TSR1: variants seen among roughly 807,000 people sequenced by gnomAD.
The protein encoded by TSR1 is TSR1 ribosome maturation factor.
Under a neutral mutation model 90.9 loss-of-function variants are expected in TSR1, and 81 were observed. That is an observed-to-expected ratio of 0.89 (90% CI 0.74 to 1.07). The LOEUF (loss-of-function observed/expected upper bound fraction) is 1.07. Among genes scored for constraint, TSR1 ranks in the 50% least tolerant of loss-of-function variants. The probability of loss-of-function intolerance (pLI) is 0.00; values close to 1 mark genes in which losing one functional copy is unlikely to be tolerated. For missense variants in TSR1, 989 were observed against 987.3 expected (o/e 1.00, Z -0.02); for synonymous variants, 362 against 348.8 (o/e 1.04, Z -0.42).
intron 11 of TSR1, among the ~76,000 whole-genome samples, chr17:2,326,393 ACAAT>A (rs2075576248): frequency 6.6e-6 from 1 of 152,016 alleles, no homozygotes; most frequent in South Asian, 2.1e-4. Context: ...TGTGTAGGAG[ACAAT>A]CATTTCTGCT....
Position 2,336,365 on chromosome 17 carries a change from A to C in TSR1, c.63T>G (p.His21Gln). ...CCCGCTGTGCAGATCCCCGACCCCGATGCCGTCCGCCTTTATGAGCTTTAT... is the reference window on the plus strand; with the variant it reads ...CCCGCTGTGCAGATCCCCGACCCCGCTGCCGTCCGCCTTTATGAGCTTTAT... ...QQNKAHKGGR[H>Q]RGRGSAQRDG... Residue 21 changes from histidine (H) to glutamine (Q), a missense_variant, in exon 1 of 15, where the codon CAT becomes CAG. Physicochemically the swap from His to Gln is conservative, Grantham distance 24 (BLOSUM62 0). Transcript: ENST00000301364. 1.2e-6 allele frequency: 2 copies of C among 1,613,816 alleles called. No individual in the cohort carries two copies. The highest frequency in any genetic ancestry group is 1.7e-6 in the Non-Finnish European group (2 of 1,180,024).
At position 2,329,189 on chromosome 17, in the gene TSR1, A is replaced by C. The variant is rs1177171825; in HGVS notation, c.1903+154T>G. ...GCTTCAGACAGGTTCAGACATTTTG[A>C]ATAAAAACATCATTGGCTCTTAAGC... is the stretch of plus-strand genomic sequence containing the variant. On this transcript the variant is annotated intron_variant, in intron 11 of 14. Coordinates refer to ENST00000301364, the MANE Select transcript of TSR1 (RefSeq NM_018128.5). 4 of 1,208,644 alleles carry C rather than the reference A, an allele frequency of 3.3e-6. No individual in the cohort carries two copies. In the South Asian group the frequency reaches 3.6e-5, roughly 11 times the overall value. The allele number at this position is 1,208,644 out of a possible 1,614,324, so 74.9% of individuals were successfully genotyped here. A position where few individuals can be genotyped will look rare whatever the true frequency, so the allele number is the denominator to read the frequency against.
Position 2,335,584 on chromosome 17 carries a change from C to T in TSR1, c.348G>A (p.Leu116=), listed in dbSNP as rs757101012. ...GCAGCATAAAGTTCTGGGTGTTTCC[C>T]AATTCATTCAAGTGTACTGTTCCAG... ...RDTGTVHLNE[L]GNTQNFMLLC... The change falls in exon 3 of 15, where the codon TTG becomes TTA. Residue 116 remains leucine, a synonymous_variant. Transcript: ENST00000301364. 6.2e-7 allele frequency: 1 copy of T among 1,614,174 alleles called. No individual in the cohort carries two copies. The highest frequency in any genetic ancestry group is 1.7e-5 in the Admixed American group (1 of 60,026).
rs1013693718 is a variant in TSR1 at position 2,322,796 on chromosome 17, G to A, written c.*1400C>T. The A allele has an allele frequency of 2.0e-5, 6 of 301,294 alleles. No individual in the cohort carries two copies. The highest frequency in any genetic ancestry group is 8.6e-5 in the East Asian group (1 of 11,614). The allele number at this position is 301,294 out of a possible 1,614,324, so 18.7% of individuals were successfully genotyped here. Reference sequence around the variant, plus strand: ...CTCCCAAAGTGCTGGGATTACAGGCGTGAGCCACTGCGCCCCACCCCATTT... The same window carrying A: ...CTCCCAAAGTGCTGGGATTACAGGCATGAGCCACTGCGCCCCACCCCATTT... On this transcript the variant is annotated 3_prime_UTR_variant, in exon 15 of 15. Coordinates refer to ENST00000301364, the MANE Select transcript of TSR1 (RefSeq NM_018128.5).
At chr17:2,327,097 C>A (rs1280851916) in intron 11 of TSR1, among the ~76,000 whole-genome samples, 1 of 149,846 alleles carries the variant, frequency 6.7e-6, no homozygotes. Context: ...AAGAGTGAAA[C>A]TCCATCTCCC....
intron 10 of TSR1, chr17:2,330,251 A>G (rs771588578): frequency 1.7e-5 from 10 of 588,446 alleles, no homozygotes; most frequent in South Asian, 4.2e-5. Flanking sequence ...GCCAACCCTT[A>G]TTCAAAATCT....
chr17:2,330,472 A>T, intron 10 of TSR1, 43 bp downstream of exon 10: 2 of 1,570,910 alleles, frequency 1.3e-6, no homozygotes, highest in Non-Finnish European at 1.8e-6. Flanking sequence ...AAGCAGCTGG[A>T]AAGTTTCACA....
At chr17:2,330,357 C>T (rs2075597828) in intron 10 of TSR1, 158 bp downstream of exon 10, 1 of 765,938 alleles carries the variant, frequency 1.3e-6, no homozygotes, top group East Asian at 2.5e-5. Context: ...ATAAAACCAT[C>T]ATTGACTTCT....
In TSR1 at chr17:2,334,750, G is replaced by C. The variant is rs780671600; in HGVS notation, c.703C>G (p.Gln235Glu). The C allele has an allele frequency of 2.8e-5, 46 of 1,614,184 alleles. 1 individual carries two copies. The South Asian group carries it at 4.3e-4, about 15-fold the overall frequency. ...TQQEAGMLLR[Q>E]LANQKQQHLA... ...TGCTGTTGCTTCTGGTTAGCCAACTGCCTAAGCAGCATCCCTGCCTCCTGT... is the reference window on the plus strand; with the variant it reads ...TGCTGTTGCTTCTGGTTAGCCAACTCCCTAAGCAGCATCCCTGCCTCCTGT... The change falls in exon 5 of 15, where the codon CAG becomes GAG. Residue 235 changes from glutamine (Q) to glutamate (E), a missense_variant. Transcript: ENST00000301364.
rs1269588401 is a variant in TSR1 at position 2,331,098 on chromosome 17, T to A, written c.1508A>T (p.Tyr503Phe). 6.3e-7 allele frequency: 1 copy of A among 1,580,132 alleles called. No homozygotes were observed. Among genetic ancestry groups the A allele is most frequent in the Non-Finnish European group, 8.5e-7 (1 of 1,171,040 alleles). ...TGTCCGGAAGCTCTTAAGGCCTCTG[T>A]ATTTCTGAAATCTAGAATATTGAAG... ...DVAARIRFQK[Y>F]RGLKSFRTSP... The change falls in exon 9 of 15, where the codon TAC (tyrosine) becomes TTC (phenylalanine). Residue 503 changes from tyrosine (Y) to phenylalanine (F), a missense_variant. Tyr to Phe is a conservative substitution (Grantham distance 22, BLOSUM62 3). Transcript: ENST00000301364.
chr17:2,335,985 G>A (rs1464429888), intron 2 of TSR1, 52 bp downstream of exon 2: 16 of 1,577,374 alleles, frequency 1.0e-5, no homozygotes, highest in Non-Finnish European at 1.3e-5. Context: ...CGAGGCATTA[G>A]CCACCTAGAA....
intron 11 of TSR1, among the ~76,000 whole-genome samples, chr17:2,326,822 T>G (rs1021488979): frequency 5.3e-4 from 80 of 152,236 alleles, no homozygotes; most frequent in African/African-American, 1.8e-3. Flanking sequence ...GAAAAATTTT[T>G]GGCCGGGCGC....
chr17:2,328,451 G>A (rs1208742856), intron 11 of TSR1, among the ~76,000 whole-genome samples: 4 of 151,646 alleles, frequency 2.6e-5, no homozygotes, highest in Non-Finnish European at 2.9e-5. Context: ...GGGCATGGTC[G>A]TGCATGCCTG....
Position 2,323,862 on chromosome 17 carries a change from G to A in TSR1, c.*334C>T, listed in dbSNP as rs1438190640. 1 of 1,613,894 alleles carries A rather than the reference G, an allele frequency of 6.2e-7. No individual in the cohort carries two copies. Among genetic ancestry groups the A allele is most frequent in the South Asian group, 1.1e-5 (1 of 91,064 alleles). ...TGAAAGGCCAGCTTCTTATCAGTCT[G>A]TTTCTGTTTAATTTACAGAAAAGGA... On this transcript the variant is annotated 3_prime_UTR_variant, in exon 15 of 15. Transcript: ENST00000301364.
chr17:2,330,142 C>T (rs1185167430), intron 10 of TSR1: 2 of 418,656 alleles, frequency 4.8e-6, no homozygotes, highest in Non-Finnish European at 9.4e-6. Flanking sequence ...TGGTCTCGAA[C>T]TCCCGACCTC....
At chr17:2,328,229 G>A (rs2075585335) in intron 11 of TSR1, among the ~76,000 whole-genome samples, 1 of 117,300 alleles carries the variant, frequency 8.5e-6, no homozygotes, top group Non-Finnish European at 1.7e-5. Flanking sequence ...GCATCAGAGT[G>A]AGACTCGGTC....
In TSR1 at chr17:2,334,803, T is replaced by C. The variant is rs763885761; in HGVS notation, c.650A>G (p.His217Arg). ...LSKAVEKRFPHDKLLLLDTQQ... is the reference protein window; with the variant it reads ...LSKAVEKRFPRDKLLLLDTQQ... Reference sequence around the variant, plus strand: ...AGTGTCTAACAAGAGGAGTTTGTCATGCGGAAAGCGCTTCTCCACTGCTTT... The same window carrying C: ...AGTGTCTAACAAGAGGAGTTTGTCACGCGGAAAGCGCTTCTCCACTGCTTT... Residue 217 changes from histidine (H) to arginine (R), a missense_variant, in exon 5 of 15, where the codon CAT becomes CGT. His to Arg is a conservative substitution (Grantham distance 29). Coordinates refer to ENST00000301364, the MANE Select transcript of TSR1 (RefSeq NM_018128.5). 3 of 1,614,134 alleles carry C rather than the reference T, an allele frequency of 1.9e-6. No individual in the cohort carries two copies. The highest frequency in any genetic ancestry group is 1.3e-5 in the African/African-American group (1 of 74,958).
In TSR1 at chr17:2,335,638, C is replaced by T. The variant is rs2151442656; in HGVS notation, c.294G>A (p.Glu98=). ...CCCTATCTTGAAGCAGCTGCATGGC[C>T]TCTGGCAGGGAAATTCTGCTGTGCA... ...VPLHSRISLP[E]AMQLLQDRDT... The change falls in exon 3 of 15, where the codon GAG becomes GAA. Residue 98 remains glutamate, a synonymous_variant. Coordinates refer to ENST00000301364, the MANE Select transcript of TSR1 (RefSeq NM_018128.5). 1.2e-6 allele frequency: 2 copies of T among 1,614,190 alleles called. No homozygotes were observed. The highest frequency in any genetic ancestry group is 2.2e-5 in the East Asian group (1 of 44,890).
At chr17:2,335,170 G>T in intron 4 of TSR1, 90 bp downstream of exon 4, 1 of 1,380,116 alleles carries the variant, frequency 7.2e-7, no homozygotes, top group South Asian at 1.3e-5. Context: ...ACCACCAGCT[G>T]AATATGATCC....
Sources: allele counts gnomAD v4.1 joint callset (sites outside exome capture counted in the v4.1 genomes callset), GRCh38; gene constraint gnomAD v4.1.1; transcripts MANE v1.5; gene names NCBI Gene and HGNC (gene_info 2026-07-23, HGNC 2026-07-21).